The following EYS variants were observed in gnomAD, a reference collection of about 807,000 sequenced individuals.
EYS encodes the protein protein eyes shut homolog.
In EYS, 250 loss-of-function variants were observed where a neutral mutation model predicts 282.1. That is an observed-to-expected ratio of 0.89 (90% CI 0.80 to 0.98). EYS has a LOEUF of 0.98. EYS is among the 50% of genes least tolerant of loss of function. EYS has a pLI of 0.00. For synonymous variants in EYS, 1,355 were observed against 1,282.9 expected, an observed-to-expected ratio of 1.06 and a Z score of -1.20; for missense variants, 4,016 against 3,709.0, an observed-to-expected ratio of 1.08 and a Z score of -2.15.
At chr6:65,463,916 G>A (rs1169063872) in intron 5 of EYS, among the ~76,000 whole-genome samples, 1 of 152,014 alleles carries the variant, frequency 6.6e-6, no homozygotes, top group East Asian at 1.9e-4. Context: ...GCATAAATGG[G>A]TTAACTGTGA....
Position 65,344,063 on chromosome 6 carries a change from C to A in EYS, c.1574G>T (p.Trp525Leu). The change falls in exon 10 of 43, where the codon TGG becomes TTG. Residue 525 changes from tryptophan (W) to leucine (L), a missense_variant. Physicochemically the swap from Trp to Leu is moderately conservative, Grantham distance 61. Transcript: ENST00000503581. ...NDPEDNNSSC[W>L]FPHEGTKEIC... ...CTCTTTTGTGCCTTCATGTGGGAAC[C>A]AACATGAAGAATTATTATCTTCAGG... The A allele has an allele frequency of 6.2e-7, 1 of 1,610,468 alleles. No homozygotes were observed. The highest frequency in any genetic ancestry group is 8.5e-7 in the Non-Finnish European group (1 of 1,177,872).
At chr6:63,962,792 A>G (rs1766130933) in intron 35 of EYS, among the ~76,000 whole-genome samples, 1 of 152,332 alleles carries the variant, frequency 6.6e-6, no homozygotes, top group East Asian at 1.9e-4. Flanking sequence ...ACATGCTGCT[A>G]TAAAGACACA....
chr6:64,407,138 G>A (rs1396677620), intron 28 of EYS, among the ~76,000 whole-genome samples: 1 of 152,190 alleles, frequency 6.6e-6, no homozygotes, highest in Non-Finnish European at 1.5e-5. Flanking sequence ...ATGAGTTCAT[G>A]TCCTTTGCAG....
At chr6:63,846,170 A>G (rs1160994399) in intron 36 of EYS, among the ~76,000 whole-genome samples, 2 of 152,204 alleles carry the variant, frequency 1.3e-5, no homozygotes, top group Non-Finnish European at 2.9e-5. Context: ...TGCAACGGAT[A>G]TAGCTATCTC....
chr6:65,377,651 G>C (rs1024474812), intron 8 of EYS, among the ~76,000 whole-genome samples: 5 of 151,798 alleles, frequency 3.3e-5, no homozygotes, highest in Non-Finnish European at 7.4e-5. Flanking sequence ...GGAGAAAAGA[G>C]AGAAAAATCA....
Position 64,944,928 on chromosome 6 carries a change from T to C in EYS, c.2381+865A>G, listed in dbSNP as rs922871483. On this transcript the variant is annotated intron_variant, in intron 15 of 42. Transcript: ENST00000503581. ...CCAGTCATAGTACCTTCCCTTGAAC[T>C]TAATTATGACATAGATTCTATTGTT... Among the ~76,000 whole-genome samples, 20 of 152,170 alleles carry C rather than the reference T, an allele frequency of 1.3e-4. 1 individual carries two copies. Among genetic ancestry groups the C allele is most frequent in the Middle Eastern group, 6.8e-3 (2 of 292 alleles).
intron 2 of EYS, among the ~76,000 whole-genome samples, chr6:65,539,211 A>T (rs1283919961): frequency 6.6e-6 from 1 of 152,216 alleles, no homozygotes; most frequent in African/African-American, 2.4e-5. Flanking sequence ...GAGATTCAAT[A>T]ATTTCCAAAA....
chr6:65,378,439 G>A (rs533911581), intron 8 of EYS, among the ~76,000 whole-genome samples: 1 of 152,260 alleles, frequency 6.6e-6, no homozygotes, highest in East Asian at 1.9e-4. Flanking sequence ...GTTGGTGGGA[G>A]TGTAAATTAG....
intron 26 of EYS, among the ~76,000 whole-genome samples, chr6:64,563,233 T>C (rs1422914005): frequency 3.3e-5 from 5 of 152,052 alleles, no homozygotes; most frequent in Non-Finnish European, 7.4e-5. Flanking sequence ...TTCTCTGGAC[T>C]TAGAGCTCAT....
chr6:64,999,290 A>G (rs1771378372), intron 13 of EYS, among the ~76,000 whole-genome samples: 1 of 152,258 alleles, frequency 6.6e-6, no homozygotes. Flanking sequence ...CTCATATGTA[A>G]TTTGTTAACC....
chr6:64,056,749 C>G (rs761074229), intron 33 of EYS, among the ~76,000 whole-genome samples: 1 of 152,164 alleles, frequency 6.6e-6, no homozygotes. Context: ...GAAATTTTTG[C>G]ACTTCAAATG....
At chr6:64,815,829 C>G (rs1296062880) in intron 21 of EYS, among the ~76,000 whole-genome samples, 1 of 151,902 alleles carries the variant, frequency 6.6e-6, no homozygotes, top group African/African-American at 2.4e-5. Flanking sequence ...AATATTATGC[C>G]AGGAAATGTA....
At chr6:65,443,134 T>C (rs1322701937) in intron 5 of EYS, among the ~76,000 whole-genome samples, 5 of 146,096 alleles carry the variant, frequency 3.4e-5, no homozygotes, top group Non-Finnish European at 7.7e-5. Flanking sequence ...GTACACATCA[T>C]ACATATATGT....
intron 1 of EYS, among the ~76,000 whole-genome samples, chr6:65,706,057 A>G (rs1171632462): frequency 6.6e-6 from 1 of 151,782 alleles, no homozygotes; most frequent in Non-Finnish European, 1.5e-5. Context: ...TATCAAAATT[A>G]ATGGCAAAAT....
chr6:65,105,313 C>T (rs1229746374), intron 12 of EYS, among the ~76,000 whole-genome samples: 1 of 151,550 alleles, frequency 6.6e-6, no homozygotes, highest in African/African-American at 2.4e-5. Context: ...TGTTGCATTT[C>T]AGTAACTTCA....
At chr6:64,755,986 A>G (rs1013151411) in intron 22 of EYS, among the ~76,000 whole-genome samples, 3 of 152,142 alleles carry the variant, frequency 2.0e-5, no homozygotes, top group African/African-American at 7.2e-5. Context: ...ATTCAAACCC[A>G]CATCAAAATA....
chr6:63,764,854 T>C (rs1024671837), intron 40 of EYS, among the ~76,000 whole-genome samples: 9 of 152,020 alleles, frequency 5.9e-5, no homozygotes, highest in African/African-American at 2.2e-4. Flanking sequence ...TATATAATTC[T>C]AATGAGAATG....
intron 23 of EYS, among the ~76,000 whole-genome samples, chr6:64,621,297 T>C (rs114964383): frequency 1.3e-5 from 2 of 152,238 alleles, no homozygotes; most frequent in African/African-American, 4.8e-5. Context: ...AAGATTTATA[T>C]ATTTTATTTT....
At chr6:64,740,841 G>T (rs1039466444) in intron 22 of EYS, among the ~76,000 whole-genome samples, 1 of 151,706 alleles carries the variant, frequency 6.6e-6, no homozygotes, top group Non-Finnish European at 1.5e-5. Flanking sequence ...AGCCTCCTGA[G>T]TAGCTGGGAC....
Sources: allele counts gnomAD v4.1 joint callset (sites outside exome capture counted in the v4.1 genomes callset), GRCh38; gene constraint gnomAD v4.1.1; transcripts MANE v1.5; gene names NCBI Gene and HGNC (gene_info 2026-07-23, HGNC 2026-07-21).